The following ZNF75A variants were observed in gnomAD, a reference collection of about 807,000 sequenced individuals.
ZNF75A encodes the protein zinc finger protein 75A.
ZNF75A carries 36 observed loss-of-function variants against 46.3 expected under a neutral mutation model. The observed-to-expected ratio is 0.78, with a 90% CI of 0.60 to 1.03. The LOEUF is 1.03. ZNF75A is among the 50% of genes least tolerant of loss of function. ZNF75A has a pLI of 0.00. For missense variants in ZNF75A, 595 were observed against 551.3 expected (o/e 1.08, Z -0.79); for synonymous variants, 234 against 189.9 (o/e 1.23, Z -1.91).
rs1342348981 is a variant in ZNF75A at position 3,318,342 on chromosome 16, A to C, written c.*473A>C. On this transcript the variant is annotated 3_prime_UTR_variant, in exon 7 of 7. Coordinates refer to ENST00000669516, the MANE Select transcript of ZNF75A (RefSeq NM_001302109.2). ...GAGTTCCTTCTTAAACTTTTCGGCA[A>C]CTTCTCTTGGATCCTGTTATCACAG... The C allele has an allele frequency of 1.0e-6, 1 of 988,422 alleles. No individual in the cohort carries two copies. The highest frequency in any genetic ancestry group is 1.1e-4 in the East Asian group (1 of 8,888). The allele number at this position is 988,422 out of a possible 1,614,324, so 61.2% of individuals were successfully genotyped here.
chr16:3,314,848 A>G (rs1961079184), intron 5 of ZNF75A: 1 of 985,418 alleles, frequency 1.0e-6, no homozygotes, highest in Non-Finnish European at 1.2e-6. Context: ...AATGCAGGAA[A>G]ACTGTAAGAC....
intron 2 of ZNF75A, chr16:3,310,960 A>T (rs2150807797): frequency 4.1e-6 from 4 of 984,970 alleles, no homozygotes; most frequent in Non-Finnish European, 2.4e-6. Flanking sequence ...GGTTGGAGCC[A>T]CTCCCCTTTT....
chr16:3,322,689 C>G (rs979384094), downstream of ZNF75A, among the ~76,000 whole-genome samples: 1 of 152,086 alleles, frequency 6.6e-6, no homozygotes, highest in East Asian at 1.9e-4. Context: ...ATATGATGCA[C>G]CTTTTAGGAG....
chr16:3,313,090 G>T lies in ZNF75A; in HGVS notation c.738G>T (p.Gln246His). The T allele has an allele frequency of 6.2e-7, 1 of 1,613,708 alleles. No individual in the cohort carries two copies. Among genetic ancestry groups the T allele is most frequent in the Admixed American group, 1.7e-5 (1 of 59,890 alleles). Residue 246 changes from glutamine to histidine, a missense_variant, in exon 5 of 7, where the codon CAG becomes CAT. Physicochemically the swap from Gln to His is conservative, Grantham distance 24. Coordinates refer to ENST00000669516, the MANE Select transcript of ZNF75A (RefSeq NM_001302109.2). ...TFEEVAMYFS[Q>H]EEWELLDPTQ... ...AAGAAGTGGCCATGTATTTTTCCCA[G>T]GAAGAATGGGAGTTATTGGATCCCA... is the stretch of plus-strand genomic sequence containing the variant.
rs1961284302 is a variant in ZNF75A, at chr16:3,317,250, T to C, written c.995T>C (p.Ile332Thr). 4 of 1,613,914 alleles carry C rather than the reference T, an allele frequency of 2.5e-6. No homozygotes were observed. Among genetic ancestry groups the C allele is most frequent in the Non-Finnish European group, 2.5e-6 (3 of 1,179,982 alleles). ...HQPVSLSDLE[I>T]QASAGVISKK... is the part of the protein sequence containing the mutation. ...CCTGTGTCTCTTTCTGACTTAGAAA[T>C]ACAAGCATCAGCAGGCGTCATATCA... The change falls in exon 7 of 7, where the codon ATA becomes ACA. Residue 332 changes from isoleucine (I) to threonine (T), a missense_variant. Ile to Thr is a moderately conservative substitution (Grantham distance 89). Transcript: ENST00000669516.
chr16:3,319,906 A>G (rs1345372465), downstream of ZNF75A, among the ~76,000 whole-genome samples: 1 of 151,898 alleles, frequency 6.6e-6, no homozygotes, highest in Non-Finnish European at 1.5e-5. Flanking sequence ...AGTCCAGAAC[A>G]CTGAGCCACT....
Position 3,318,487 on chromosome 16 carries a change from A to G in ZNF75A, c.*618A>G. 1.0e-6 allele frequency: 1 copy of G among 985,442 alleles called. No homozygotes were observed. The highest frequency in any genetic ancestry group is 1.2e-6 in the Non-Finnish European group (1 of 829,922). 61.0% of individuals were successfully genotyped at this position (985,442 alleles called of 1,614,324 possible). A position where few individuals can be genotyped will look rare whatever the true frequency, so the allele number is the denominator to read the frequency against. ...GAAAATAGAAGACATCTCTAATGGA[A>G]TCATGGGGGAAACGGGTTGGAATTT... On this transcript the variant is annotated 3_prime_UTR_variant, in exon 7 of 7. Transcript: ENST00000669516.
At chr16:3,310,743 G>A (rs1038686255) in intron 2 of ZNF75A, 7 of 985,532 alleles carry the variant, frequency 7.1e-6, no homozygotes, top group Non-Finnish European at 8.4e-6. Flanking sequence ...GAATAGCCAA[G>A]GACAGGAAAT....
At chr16:3,322,923 AT>A (rs1373168627), downstream of ZNF75A, 1 of 985,240 alleles carries the variant, frequency 1.0e-6, no homozygotes, top group East Asian at 1.1e-4. Flanking sequence ...AGGATAGAAG[AT>A]TCAACAAAGC....
At chr16:3,310,644 C>CA (rs964169338) in intron 2 of ZNF75A, 324 of 957,216 alleles carry the variant, frequency 3.4e-4, no homozygotes, top group African/African-American at 8.6e-4. Flanking sequence ...AACAAACAAA[C>CA]AAAAAAAACA....
At position 3,316,991 on chromosome 16, in the gene ZNF75A, G is replaced by A. The variant is rs1393575212; in HGVS notation, c.903G>A (p.Glu301=). The A allele has an allele frequency of 6.2e-7, 1 of 1,613,958 alleles. No homozygotes were observed. Among genetic ancestry groups the A allele is most frequent in the East Asian group, 2.2e-5 (1 of 44,894 alleles). The stretch of plus-strand genomic sequence containing the variant: ...AGCCATGGGTTCAAGTATCCCCGGA[G>A]TTTAAGGATAGTGCCGGAAAATCTC... ...GEEPWVQVSP[E]FKDSAGKSPT... Residue 301 remains glutamate (E), a synonymous_variant, in exon 6 of 7, where the codon GAG becomes GAA. Transcript: ENST00000669516.
intron 1 of ZNF75A, chr16:3,307,135 A>T (rs973719580): frequency 3.3e-5 from 5 of 152,060 alleles, no homozygotes; most frequent in African/African-American, 1.2e-4. Context: ...TGTTTACAAT[A>T]AAGAAGGTTT....
At chr16:3,316,114 C>T (rs182387637) in intron 5 of ZNF75A, 7 of 152,270 alleles carry the variant, frequency 4.6e-5, no homozygotes, top group South Asian at 4.1e-4. Context: ...TACTCTTTAC[C>T]GTGATTTAAT....
chr16:3,316,803 G>A (rs1961241301), intron 5 of ZNF75A, 109 bp from the exon 6 acceptor site: 1 of 702,308 alleles, frequency 1.4e-6, no homozygotes, highest in Non-Finnish European at 2.5e-6. Context: ...TTAACCATTT[G>A]GAGTAACAAA....
intron 4 of ZNF75A, 42 bp from the exon 5 acceptor site, chr16:3,313,007 T>C: frequency 6.3e-7 from 1 of 1,588,080 alleles, no homozygotes; most frequent in East Asian, 2.2e-5. Flanking sequence ...GCTGCTTCTG[T>C]ACAGTGGCAG....
chr16:3,310,432 C>G (rs982781043), intron 2 of ZNF75A, among the ~76,000 whole-genome samples: 1 of 151,890 alleles, frequency 6.6e-6, no homozygotes, highest in Non-Finnish European at 1.5e-5. Context: ...AAAATCCAGC[C>G]TGGGCAACAT....
intron 3 of ZNF75A, chr16:3,312,368 G>T (rs562184428): frequency 2.6e-5 from 4 of 152,176 alleles, no homozygotes; most frequent in Non-Finnish European, 5.9e-5. Flanking sequence ...CTACCATACA[G>T]TGGAGTCCCT....
intron 2 of ZNF75A, among the ~76,000 whole-genome samples, chr16:3,311,145 G>C (rs1313330933): frequency 6.6e-6 from 1 of 152,044 alleles, no homozygotes; most frequent in Non-Finnish European, 1.5e-5. Flanking sequence ...ATTAGAATGA[G>C]TGGCCTGCCT....
In ZNF75A at chr16:3,318,851, T is replaced by G. The variant is rs950977760; in HGVS notation, c.*982T>G. On this transcript the variant is annotated 3_prime_UTR_variant, in exon 7 of 7. Coordinates refer to ENST00000669516, the MANE Select transcript of ZNF75A (RefSeq NM_001302109.2). Reference sequence around the variant, plus strand: ...CCTAAATAAAAGATTTGGGCACTGGTGCTAAGTGTTGGGCGAGGATGAGCA... The same window carrying G: ...CCTAAATAAAAGATTTGGGCACTGGGGCTAAGTGTTGGGCGAGGATGAGCA... The G allele has an allele frequency of 2.0e-6, 2 of 985,128 alleles. No homozygotes were observed. Among genetic ancestry groups the G allele is most frequent in the Non-Finnish European group, 2.4e-6 (2 of 829,782 alleles). The allele number at this position is 985,128 out of a possible 1,614,324, so 61.0% of individuals were successfully genotyped here. A position where few individuals can be genotyped will look rare whatever the true frequency, so the allele number is the denominator to read the frequency against.
Sources: allele counts gnomAD v4.1 joint callset (sites outside exome capture counted in the v4.1 genomes callset), GRCh38; gene constraint gnomAD v4.1.1; transcripts MANE v1.5; gene names NCBI Gene and HGNC (gene_info 2026-07-23, HGNC 2026-07-21).